The following CBL variants were observed in gnomAD, a reference collection of about 807,000 sequenced individuals.
CBL encodes E3 ubiquitin-protein ligase CBL.
In CBL, 45 loss-of-function variants were observed where a neutral mutation model predicts 96.9. The ratio of observed to expected loss-of-function variants is 0.46; its 90% CI spans 0.37 to 0.60. The LOEUF (loss-of-function observed/expected upper bound fraction) is 0.60, where lower values mean the gene tolerates loss of function less well. Among genes scored for constraint, CBL ranks in the 20% least tolerant of loss-of-function variants. CBL has a pLI of 0.00. For synonymous variants in CBL, 420 were observed against 426.8 expected (o/e 0.98, Z 0.20); for missense variants, 1,024 against 1,143.5 (o/e 0.90, Z 1.51).
intron 2 of CBL, among the ~76,000 whole-genome samples, chr11:119,263,192 T>TA (rs1274981895): frequency 3.3e-5 from 5 of 152,128 alleles, no homozygotes; most frequent in East Asian, 3.8e-4. Flanking sequence ...AAAGCGTAGA[T>TA]AGAGTGTTTG....
chr11:119,264,627 C>T (rs940457012), intron 2 of CBL, among the ~76,000 whole-genome samples: 4 of 151,216 alleles, frequency 2.6e-5, no homozygotes, highest in African/African-American at 9.7e-5. Flanking sequence ...GACTAGAGGT[C>T]CATGCCACCA....
chr11:119,213,925 G>T (rs944639802), intron 1 of CBL, among the ~76,000 whole-genome samples: 16 of 151,524 alleles, frequency 1.1e-4, no homozygotes, highest in African/African-American at 3.9e-4. Context: ...AGGTATGGAG[G>T]GGGGCATTCA....
intron 1 of CBL, among the ~76,000 whole-genome samples, chr11:119,219,099 C>T (rs1487486907): frequency 2.6e-5 from 4 of 152,020 alleles, no homozygotes; most frequent in South Asian, 2.1e-4. Context: ...ATACTAGGGC[C>T]GGGCGTGGTG....
intron 2 of CBL, among the ~76,000 whole-genome samples, chr11:119,239,616 A>T (rs549281205): frequency 1.3e-5 from 2 of 152,078 alleles, no homozygotes; most frequent in East Asian, 3.9e-4. Context: ...ATTCTTGGCT[A>T]TGTTGAATAG....
intron 15 of CBL, among the ~76,000 whole-genome samples, 169 bp downstream of exon 15, chr11:119,298,709 CTT>C (rs1026090741): frequency 1.3e-5 from 2 of 152,212 alleles, no homozygotes; most frequent in African/African-American, 4.8e-5. Flanking sequence ...TAGTCAGACT[CTT>C]TAGGATTTTT....
chr11:119,232,523 A>G lies in CBL; in HGVS notation c.271A>G (p.Thr91Ala), dbSNP rs587778160. Reference protein sequence around the residue: ...PPYILDLLPDTYQHLRTILSR... With the variant: ...PPYILDLLPDAYQHLRTILSR... ...TTATATCTTAGACCTGCTACCAGAT[A>G]CCTACCAGCATCTCCGTACTATCTT... Residue 91 changes from threonine (T) to alanine (A), a missense_variant, in exon 2 of 16, where the codon ACC becomes GCC. This residue lies in a region of CBL where 192 missense variants were observed against 321.8 expected (regional missense o/e 0.60). Transcript: ENST00000264033. 5 of 1,613,784 alleles carry G rather than the reference A, an allele frequency of 3.1e-6. No individual in the cohort carries two copies. Among genetic ancestry groups the G allele is most frequent in the African/African-American group, 1.3e-5 (1 of 74,940 alleles).
In CBL at chr11:119,297,742, G is replaced by A. The variant is rs60489121; in HGVS notation, c.2251+261G>A. ...TGAGATTACAGGCGTGAGCCACCACGCCCAGACAAAGCTGAAAATTATTTT... is the reference window on the plus strand; with the variant it reads ...TGAGATTACAGGCGTGAGCCACCACACCCAGACAAAGCTGAAAATTATTTT... On this transcript the variant is annotated intron_variant, in intron 14 of 15. Coordinates refer to ENST00000264033, the MANE Select transcript of CBL (RefSeq NM_005188.4). Among the ~76,000 whole-genome samples the A allele has an allele frequency of 0.024, 3,683 of 152,202 alleles. 122 individuals are homozygous for A. Among genetic ancestry groups the A allele is most frequent in the African/African-American group, 0.078 (3,229 of 41,502 alleles).
At chr11:119,278,862 A>C (rs1949910930) in intron 9 of CBL, 149 bp downstream of exon 9, 3 of 733,254 alleles carry the variant, frequency 4.1e-6, no homozygotes, top group Non-Finnish European at 7.3e-6. Flanking sequence ...TATTGTGTTA[A>C]GCACTTTACT....
intron 1 of CBL, among the ~76,000 whole-genome samples, chr11:119,208,923 A>G (rs1949296137): frequency 6.6e-6 from 1 of 152,210 alleles, no homozygotes; most frequent in African/African-American, 2.4e-5. Context: ...ATTGCTTTTC[A>G]GGTTTGATAG....
intron 6 of CBL, among the ~76,000 whole-genome samples, chr11:119,276,621 A>G (rs1004699476): frequency 2.0e-5 from 3 of 152,250 alleles, no homozygotes; most frequent in Non-Finnish European, 2.9e-5. Flanking sequence ...TTATTCCAGA[A>G]TTGCTATTCC....
chr11:119,300,027 G>A lies in CBL; in HGVS notation c.*246G>A. The A allele has an allele frequency of 1.7e-6, 1 of 593,950 alleles. No homozygotes were observed. The highest frequency in any genetic ancestry group is 3.0e-6 in the Non-Finnish European group (1 of 333,430). The allele number at this position is 593,950 out of a possible 1,614,324, so 36.8% of individuals were successfully genotyped here. ...GTCCTTCAGTTCCCACGTAGAGAGAGTGTGGATTATATTACATGATAACCT... is the reference window on the plus strand; with the variant it reads ...GTCCTTCAGTTCCCACGTAGAGAGAATGTGGATTATATTACATGATAACCT... On this transcript the variant is annotated 3_prime_UTR_variant, in exon 16 of 16. Transcript: ENST00000264033.
intron 2 of CBL, among the ~76,000 whole-genome samples, chr11:119,270,436 A>ATATATTTTT (rs1565870008): frequency 1.8e-4 from 7 of 38,662 alleles, no homozygotes; most frequent in African/African-American, 2.3e-4. Flanking sequence ...ATATATATAT[A>ATATATTTTT]TTTTTTTTTT....
intron 2 of CBL, among the ~76,000 whole-genome samples, chr11:119,241,215 T>G (rs1477915834): frequency 2.0e-5 from 3 of 152,250 alleles, no homozygotes; most frequent in African/African-American, 7.2e-5. Context: ...TCTTAGACTT[T>G]ATAAAAAATG....
At chr11:119,230,807 A>G (rs537811596) in intron 1 of CBL, among the ~76,000 whole-genome samples, 51 of 152,358 alleles carry the variant, frequency 3.3e-4, no homozygotes, top group Non-Finnish European at 5.1e-4. Context: ...GTCCACAGAA[A>G]AGTCCATGTA....
intron 6 of CBL, among the ~76,000 whole-genome samples, chr11:119,277,205 C>G (rs1376974208): frequency 3.5e-5 from 5 of 142,924 alleles, no homozygotes. Context: ...CAAGATCACT[C>G]ACTGCAACCT....
At chr11:119,295,008 T>C (rs1255973962) in intron 12 of CBL, among the ~76,000 whole-genome samples, 5 of 152,248 alleles carry the variant, frequency 3.3e-5, no homozygotes, top group Non-Finnish European at 7.3e-5. Context: ...TTTCAAATTA[T>C]TTCACGATTA....
chr11:119,273,234 A>G (rs112667032), intron 3 of CBL, among the ~76,000 whole-genome samples: 5 of 152,044 alleles, frequency 3.3e-5, no homozygotes, highest in African/African-American at 9.7e-5. Context: ...TAGGATTACA[A>G]GCGTGAGCCA....
intron 9 of CBL, among the ~76,000 whole-genome samples, chr11:119,283,621 C>CTTTTTTTTTTTTT (rs1410071154): frequency 5.5e-5 from 2 of 36,496 alleles, no homozygotes; most frequent in African/African-American, 1.7e-4. Flanking sequence ...CTTTTTAATT[C>CTTTTTTTTTTTTT]TTTCTTTTTT....
intron 2 of CBL, among the ~76,000 whole-genome samples, chr11:119,255,902 T>A (rs184520323): frequency 0.035 from 5,144 of 145,024 alleles, 117 homozygotes; most frequent in Middle Eastern, 0.084. Flanking sequence ...ATTTATACTT[T>A]AAAAAAAAAA....
Sources: gnomAD v4.1 joint callset for allele counts (sites outside exome capture counted in the v4.1 genomes callset) on GRCh38, gnomAD v4.1.1 for gene constraint, gnomAD v4.1.1 regional missense constraint, MANE v1.5 for transcripts, NCBI Gene and HGNC (gene_info 2026-07-23, HGNC 2026-07-21) for gene names.